The following COL6A5 variants were observed in gnomAD, a reference collection of about 807,000 sequenced individuals.
The protein encoded by COL6A5 is collagen type VI alpha 5 chain.
A neutral mutation model predicts 65.6 loss-of-function variants in COL6A5; 48 were observed. The observed-to-expected ratio is 0.73, with a 90% CI of 0.58 to 0.93. COL6A5 has a LOEUF of 0.93. COL6A5 is among the 40% of genes least tolerant of loss of function. The pLI, the probability that COL6A5 is intolerant of heterozygous loss-of-function variation, is 0.00. For missense variants in COL6A5, 914 were observed against 928.3 expected (o/e 0.98, Z 0.20); for synonymous variants, 291 against 322.8 (o/e 0.90, Z 1.05).
chr3:130,469,303 C>T (rs772775395), exon 6 of COL6A5: 6 of 1,612,966 alleles, frequency 3.7e-6, no homozygotes, highest in South Asian at 1.1e-5. Flanking sequence ...CTCTGAGAGC[C>T]AAGTGTCAAG....
chr3:130,375,888 G>C (rs1181856925), intron 2 of COL6A5, among the ~76,000 whole-genome samples: 1 of 152,030 alleles, frequency 6.6e-6, no homozygotes, highest in Admixed American at 6.5e-5. Context: ...TGACACATGG[G>C]GATTATGGGA....
intron 3 of COL6A5, among the ~76,000 whole-genome samples, chr3:130,379,172 G>C (rs1348591634): frequency 1.3e-5 from 2 of 152,082 alleles, no homozygotes; most frequent in Admixed American, 1.3e-4. Context: ...GTGGTCATGG[G>C]ATGTGGTAGG....
chr3:130,373,615 A>G, exon 2 of COL6A5: 1 of 1,422,208 alleles, frequency 7.0e-7, no homozygotes, highest in Non-Finnish European at 9.6e-7. Context: ...TTGCAGAACA[A>G]AAGTAAAAAT....
At chr3:130,435,676 T>C (rs1487606677) in intron 1 of COL6A5, among the ~76,000 whole-genome samples, 1 of 152,172 alleles carries the variant, frequency 6.6e-6, no homozygotes, top group African/African-American at 2.4e-5. Context: ...TATTGCTAAG[T>C]ATTGTATTCT....
intron 7 of COL6A5, among the ~76,000 whole-genome samples, chr3:130,473,801 C>A (rs1213966849): frequency 6.6e-6 from 1 of 152,120 alleles, no homozygotes; most frequent in Non-Finnish European, 1.5e-5. Context: ...CCTCCCTGCT[C>A]TTGCTACTCA....
upstream of COL6A5, among the ~76,000 whole-genome samples, chr3:130,426,911 A>C (rs1207096533): frequency 6.6e-6 from 1 of 152,184 alleles, no homozygotes; most frequent in Non-Finnish European, 1.5e-5. Flanking sequence ...AAGAAGGAAA[A>C]ATAAGGTAGA....
At chr3:130,389,918 G>A (rs1936334033) in intron 6 of COL6A5, among the ~76,000 whole-genome samples, 1 of 152,144 alleles carries the variant, frequency 6.6e-6, no homozygotes, top group African/African-American at 2.4e-5. Flanking sequence ...ACCCAAGTAA[G>A]TTTGTTTTGT....
intron 1 of COL6A5, among the ~76,000 whole-genome samples, chr3:130,360,959 C>T (rs952558922): frequency 2.0e-5 from 3 of 152,008 alleles, no homozygotes; most frequent in Admixed American, 1.3e-4. Context: ...TATTTAAGTT[C>T]ACAGCAAAAT....
In COL6A5 at chr3:130,439,621, A is replaced by G. The variant is rs78923843; in HGVS notation, c.581+6A>G. 23,450 of 1,545,010 alleles carry G rather than the reference A, an allele frequency of 0.015. 222 individuals are homozygous for G. Among genetic ancestry groups the G allele is most frequent in the Non-Finnish European group, 0.017 (19,561 of 1,141,200 alleles). On this transcript the variant is annotated splice_donor_region_variant and intron_variant, in intron 2 of 7. Transcript: ENST00000512836. ...GCGCTGTGCACTTTGCTATGGTAAG[A>G]CCAATGAAGAGAATTGACTGTGCTG...
At position 130,376,458 on chromosome 3, in the gene COL6A5, C is replaced by T. The variant is rs185057380; in HGVS notation, c.289C>T (p.Leu97Phe). The T allele has an allele frequency of 3.7e-6, 6 of 1,612,240 alleles. No homozygotes were observed. The highest frequency in any genetic ancestry group is 2.7e-5 in the African/African-American group (2 of 74,998). ...AGGCAGAAGCCCCATGCTGAACCAC[C>T]TCAAGAAGAACTTTCAGTTCATTGG... The change falls in exon 3 of 42, where the codon CTC becomes TTC. Residue 97 changes from leucine to phenylalanine, a missense_variant and NMD_transcript_variant. By Grantham distance (22) the Leu-to-Phe change is conservative. Coordinates refer to the COL6A5 transcript ENST00000312481.
At chr3:130,475,923 A>T (rs771770714) in intron 7 of COL6A5, among the ~76,000 whole-genome samples, 2 of 152,054 alleles carry the variant, frequency 1.3e-5, no homozygotes, top group Non-Finnish European at 2.9e-5. Flanking sequence ...AGGTTCAAAG[A>T]GGTTTAGTGC....
chr3:130,440,518 T>C, exon 3 of COL6A5: 1 of 1,613,716 alleles, frequency 6.2e-7, no homozygotes, highest in Non-Finnish European at 8.5e-7. Flanking sequence ...CAATTGGTCG[T>C]GCCCTACTGT....
At chr3:130,399,847 G>A (rs1936756262) in intron 10 of COL6A5, among the ~76,000 whole-genome samples, 1 of 152,004 alleles carries the variant, frequency 6.6e-6, no homozygotes, top group Non-Finnish European at 1.5e-5. Context: ...CTGCCTCCCA[G>A]GTTCAAGCGA....
chr3:130,372,958 C>T (rs1236067825), intron 1 of COL6A5, among the ~76,000 whole-genome samples: 2 of 152,008 alleles, frequency 1.3e-5, no homozygotes, highest in African/African-American at 2.4e-5. Flanking sequence ...TGGTTAAATT[C>T]CTGAGATTTT....
intron 12 of COL6A5, 76 bp downstream of exon 12, chr3:130,401,930 A>C: frequency 9.6e-7 from 1 of 1,039,180 alleles, no homozygotes; most frequent in Non-Finnish European, 1.5e-6. Context: ...TGAGTGGTTG[A>C]ATTTACAGCC....
intron 25 of COL6A5, among the ~76,000 whole-genome samples, chr3:130,419,975 G>T (rs1407949976): frequency 6.6e-6 from 1 of 152,090 alleles, no homozygotes; most frequent in Non-Finnish European, 1.5e-5. Flanking sequence ...GCAAGTTTCT[G>T]ACTTATGGCT....
intron 5 of COL6A5, among the ~76,000 whole-genome samples, chr3:130,464,630 T>C (rs762106906): frequency 2.0e-5 from 3 of 152,118 alleles, no homozygotes; most frequent in Non-Finnish European, 4.4e-5. Flanking sequence ...ACACTATGGC[T>C]GAGAACTCTA....
chr3:130,379,070 C>T (rs1456958167), intron 3 of COL6A5, among the ~76,000 whole-genome samples: 7 of 151,158 alleles, frequency 4.6e-5, no homozygotes, highest in Admixed American at 6.6e-5. Context: ...GTAGTGGTGA[C>T]GATGGTGGTG....
chr3:130,354,151 G>A (rs1934831798), intron 1 of COL6A5, among the ~76,000 whole-genome samples: 1 of 151,732 alleles, frequency 6.6e-6, no homozygotes, highest in Non-Finnish European at 1.5e-5. Context: ...AGGAAGATTA[G>A]CATGATGATA....
Sources: gnomAD v4.1 joint callset for allele counts (sites outside exome capture counted in the v4.1 genomes callset) on GRCh38, gnomAD v4.1.1 for gene constraint, MANE v1.5 for transcripts, NCBI Gene and HGNC (gene_info 2026-07-23, HGNC 2026-07-21) for gene names.